NLRC3: variants seen among roughly 807,000 people sequenced by gnomAD.
NLRC3 encodes the protein NLR family CARD domain-containing protein 3.
Under a neutral mutation model 91.6 loss-of-function variants are expected in NLRC3, and 87 were observed. That is an observed-to-expected ratio of 0.95 (90% CI 0.80 to 1.14). The LOEUF (loss-of-function observed/expected upper bound fraction) is 1.14. NLRC3 is among the 50% of genes most tolerant of loss of function. The probability of loss-of-function intolerance (pLI) is 0.00; values close to 1 mark genes in which losing one functional copy is unlikely to be tolerated. For synonymous variants in NLRC3, 694 were observed against 625.3 expected, an observed-to-expected ratio of 1.11 and a Z score of -1.64; for missense variants, 1,577 against 1,418.6, an observed-to-expected ratio of 1.11 and a Z score of -1.79.
intron 2 of NLRC3, 33 bp from the exon 3 acceptor site, chr16:3,565,413 G>T (rs1477834773): frequency 7.1e-6 from 3 of 421,870 alleles, no homozygotes; most frequent in African/African-American, 4.9e-5. Context: ...AAGTAAGTTT[G>T]CTCAAAAGGA....
intron 16 of NLRC3, chr16:3,543,748 A>G: frequency 3.7e-6 from 2 of 544,986 alleles, no homozygotes; most frequent in Non-Finnish European, 6.6e-6. Context: ...CTCGGGGAGA[A>G]TGCTCCCTGT....
rs1567147263 is a variant in NLRC3 at position 3,564,302 on chromosome 16, GCTGGGACTGCCACC to G, written c.621_634del (p.Val208GlnfsTer11). On this transcript the variant is annotated frameshift_variant, in exon 5 of 20. Transcript: ENST00000359128. LOFTEE classifies it high-confidence loss of function. This position sits in a 1 kb window ranked among gnomAD's most constrained non-coding sequence, Gnocchi z 5.9. ...GCCGTCCAGGATCAGGAGGGCCCTG[GCTGGGACTGCCACC>G]GCCAGGCTGGGCTCCCCGACGTGCG... The G allele has an allele frequency of 1.1e-5, 17 of 1,611,584 alleles. No individual in the cohort carries two copies. The highest frequency in any genetic ancestry group is 1.4e-5 in the Non-Finnish European group (17 of 1,179,558).
intron 8 of NLRC3, among the ~76,000 whole-genome samples, chr16:3,556,085 T>C (rs113699941): frequency 6.7e-6 from 1 of 149,418 alleles, no homozygotes; most frequent in Non-Finnish European, 1.5e-5. Flanking sequence ...TCCCAGCACT[T>C]TGGGAGGCCA....
At chr16:3,558,954 C>T (rs902858776) in intron 6 of NLRC3, among the ~76,000 whole-genome samples, 4 of 152,060 alleles carry the variant, frequency 2.6e-5, no homozygotes, top group African/African-American at 9.7e-5. Flanking sequence ...TAATTTTTTG[C>T]AGAGACAGGG....
intron 1 of NLRC3, 116 bp downstream of exon 1, chr16:3,577,033 G>A: frequency 1.4e-6 from 1 of 692,396 alleles, no homozygotes; most frequent in East Asian, 2.7e-5. Context: ...GGAGTCTCGT[G>A]GAGTCTCCCC....
Position 3,572,413 on chromosome 16 carries a change from A to T in NLRC3, c.-169+4736T>A, listed in dbSNP as rs565612383. Among the ~76,000 whole-genome samples, 618 of 152,066 alleles carry T rather than the reference A, an allele frequency of 4.1e-3. 3 individuals carry two copies. The highest frequency in any genetic ancestry group is 0.014 in the African/African-American group (586 of 41,500). The stretch of plus-strand genomic sequence containing the variant: ...TTCCCTGGGCTCAAGTGATCCTCCA[A>T]AGTAGCTGGGACTACAGGCGCATGC... On this transcript the variant is annotated intron_variant, in intron 1 of 19. Transcript: ENST00000359128.
At chr16:3,576,464 G>A (rs902431882) in intron 1 of NLRC3, among the ~76,000 whole-genome samples, 1 of 152,136 alleles carries the variant, frequency 6.6e-6, no homozygotes, top group African/African-American at 2.4e-5. Context: ...CCTCCCATGG[G>A]GGGTCCCAGT....
Position 3,564,868 on chromosome 16 carries a change from A to C in NLRC3, c.169T>G (p.Cys57Gly). 2 of 1,605,610 alleles carry C rather than the reference A, an allele frequency of 1.2e-6. No homozygotes were observed. The highest frequency in any genetic ancestry group is 8.5e-7 in the Non-Finnish European group (1 of 1,177,304). The change falls in exon 4 of 20, where the codon TGC (cysteine) becomes GGC (glycine). Residue 57 changes from cysteine to glycine, a missense_variant. Cys to Gly is a radical substitution (Grantham distance 159). Coordinates refer to ENST00000359128, the MANE Select transcript of NLRC3 (RefSeq NM_178844.4). This position sits in a 1 kb window ranked among gnomAD's most constrained non-coding sequence, Gnocchi z 5.9. Reference sequence around the variant, plus strand: ...CCCAAGCCGGTCCTACCATTGCTGCAGGGCCCCAGCGGGGCATCCGGTGTC... The same window carrying C: ...CCCAAGCCGGTCCTACCATTGCTGCCGGGCCCCAGCGGGGCATCCGGTGTC... Reference protein sequence around the residue: ...DRTPDAPLGPCSNDSRIQRHR... With the variant: ...DRTPDAPLGPGSNDSRIQRHR...
At chr16:3,558,136 G>A (rs1050879800) in intron 6 of NLRC3, among the ~76,000 whole-genome samples, 9 of 152,136 alleles carry the variant, frequency 5.9e-5, no homozygotes, top group South Asian at 2.1e-4. Context: ...GAAACCAGGC[G>A]TTTGAGACTA....
In NLRC3 at chr16:3,563,987, T is replaced by A. The variant is rs1218832284; in HGVS notation, c.950A>T (p.Gln317Leu). The change falls in exon 5 of 20, where the codon CAG becomes CTG. Residue 317 changes from glutamine to leucine, a missense_variant. By Grantham distance (113) the Gln-to-Leu change is moderately radical. Transcript: ENST00000359128. ...ALLGWMLSQVQADRALYLMCT... is the reference protein window; with the variant it reads ...ALLGWMLSQVLADRALYLMCT... ...CATCAGGTACAGGGCCCTGTCAGCC[T>A]GCACTTGGCTCAGCATCCAGCCCAG... 6.2e-7 allele frequency: 1 copy of A among 1,606,404 alleles called. No homozygotes were observed. Among genetic ancestry groups the A allele is most frequent in the Admixed American group, 1.7e-5 (1 of 59,892 alleles).
At position 3,564,466 on chromosome 16, in the gene NLRC3, G is replaced by A; in HGVS notation, c.471C>T (p.His157=). 6.2e-7 allele frequency: 1 copy of A among 1,612,588 alleles called. No individual in the cohort carries two copies. Among genetic ancestry groups the A allele is most frequent in the African/African-American group, 1.3e-5 (1 of 75,080 alleles). ...GCCCATGGGCCCAGAGGCGGACGAA[G>A]TGCCTCACCAGGGTGGTCTTGCCCA... ...AGMGKTTLVR[H]FVRLWAHGQV... is the part of the protein sequence containing the mutation. The change falls in exon 5 of 20, where the codon CAC becomes CAT. Residue 157 remains histidine (H), a synonymous_variant. Transcript: ENST00000359128. The surrounding 1 kb of genome is among the most constrained non-coding windows in gnomAD (Gnocchi z 5.9).
rs1489218522 is a variant in NLRC3 at position 3,549,769 on chromosome 16, T to TTGC, written c.2444_2446dup (p.Ser815dup). The TTGC allele has an allele frequency of 6.4e-7, 1 of 1,550,524 alleles. No individual in the cohort carries two copies. Among genetic ancestry groups the TTGC allele is most frequent in the South Asian group, 1.2e-5 (1 of 84,028 alleles). On this transcript the variant is annotated inframe_insertion, in exon 12 of 20. Transcript: ENST00000359128. ...TGCCACTCCTGCGTCACTGATGGAA[T>TTGC]TGCTCTGCAGGCTGCGGAAAGAGGA...
rs886341955 is a variant in NLRC3, at chr16:3,544,298, C to A, written c.2803G>T (p.Ala935Ser). 1.9e-6 allele frequency: 3 copies of A among 1,613,530 alleles called. No individual in the cohort carries two copies. The highest frequency in any genetic ancestry group is 2.5e-6 in the Non-Finnish European group (3 of 1,179,512). The part of the protein sequence containing the change: ...LQENAIGDDG[A>S]CAVARALKVN... Reference sequence around the variant, plus strand: ...TTCAGTGCACGGGCCACCGCACACGCTCCGTCATCCCCGATGGCGTTCTCC... The same window carrying A: ...TTCAGTGCACGGGCCACCGCACACGATCCGTCATCCCCGATGGCGTTCTCC... The change falls in exon 16 of 20, where the codon GCG becomes TCG. Residue 935 changes from alanine to serine, a missense_variant. Coordinates refer to ENST00000359128, the MANE Select transcript of NLRC3 (RefSeq NM_178844.4).
rs1386739676 is a variant in NLRC3, at chr16:3,564,584, G to A, written c.353C>T (p.Pro118Leu). ...QVEATRGGGH[P>L]ARTVALDRLF... ...CCGGTCCAGGGCGACGGTCCTGGCG[G>A]GGTGCCCGCCCCCGCGGGTGGCCTC... Residue 118 changes from proline to leucine, a missense_variant, in exon 5 of 20, where the codon CCC (proline) becomes CTC (leucine). Coordinates refer to ENST00000359128, the MANE Select transcript of NLRC3 (RefSeq NM_178844.4). This position sits in a 1 kb window ranked among gnomAD's most constrained non-coding sequence, Gnocchi z 5.9. 2 of 1,611,576 alleles carry A rather than the reference G, an allele frequency of 1.2e-6. No homozygotes were observed. Among genetic ancestry groups the A allele is most frequent in the African/African-American group, 2.7e-5 (2 of 74,938 alleles).
At position 3,558,944 on chromosome 16, in the gene NLRC3, T is replaced by A. The variant is rs562708531; in HGVS notation, c.2016-1268A>T. Among the ~76,000 whole-genome samples, 201 of 152,220 alleles carry A rather than the reference T, an allele frequency of 1.3e-3. No homozygotes were observed. The Middle Eastern group carries it at 0.044, about 33-fold the overall frequency. On this transcript the variant is annotated intron_variant, in intron 6 of 19. Coordinates refer to ENST00000359128, the MANE Select transcript of NLRC3 (RefSeq NM_178844.4). ...ACGCCACCACACCTGGCTAGTTTTT[T>A]AATTTTTTGCAGAGACAGGGTTTTA... is the stretch of plus-strand genomic sequence containing the variant.
chr16:3,543,488 C>T lies in NLRC3; in HGVS notation c.2876G>A (p.Gly959Asp), dbSNP rs773208737. The T allele has an allele frequency of 7.8e-5, 126 of 1,612,894 alleles. No individual in the cohort carries two copies. The highest frequency in any genetic ancestry group is 9.7e-5 in the Non-Finnish European group (115 of 1,179,546). ...CCCTAGCACCTGGGCGCCTGAAGCACCAATTGAGGCCACCTGGAGACTGGG... is the reference window on the plus strand; with the variant it reads ...CCCTAGCACCTGGGCGCCTGAAGCATCAATTGAGGCCACCTGGAGACTGGG... ...TALYLQVASI[G>D]ASGAQVLGEA... The change falls in exon 17 of 20, where the codon GGT becomes GAT. Residue 959 changes from glycine to aspartate, a missense_variant. Coordinates refer to ENST00000359128, the MANE Select transcript of NLRC3 (RefSeq NM_178844.4).
intron 10 of NLRC3, among the ~76,000 whole-genome samples, chr16:3,551,584 C>A (rs961069570): frequency 2.0e-5 from 3 of 151,228 alleles, no homozygotes; most frequent in Non-Finnish European, 4.4e-5. Flanking sequence ...TCAATGCATC[C>A]ATTCATCCAC....
Position 3,552,068 on chromosome 16 carries a change from C to G in NLRC3, c.2351+128G>C. 9.3e-6 allele frequency: 6 copies of G among 642,830 alleles called. No individual in the cohort carries two copies. The South Asian group carries it at 1.1e-4, about 12-fold the overall frequency. 39.8% of individuals were successfully genotyped at this position (642,830 alleles called of 1,614,324 possible). On this transcript the variant is annotated intron_variant, in intron 10 of 19. Coordinates refer to ENST00000359128, the MANE Select transcript of NLRC3 (RefSeq NM_178844.4). ...ACCTAGTCACCCATCCATCCATCCA[C>G]CCACCCATCCATCCATTCACCTATC...
At chr16:3,560,296 G>A (rs1264772539) in intron 6 of NLRC3, among the ~76,000 whole-genome samples, 2 of 151,998 alleles carry the variant, frequency 1.3e-5, no homozygotes, top group Non-Finnish European at 2.9e-5. Flanking sequence ...GGTGGCATGC[G>A]CCTGTAGTCC....
Sources: gnomAD v4.1 joint callset for allele counts (sites outside exome capture counted in the v4.1 genomes callset) on GRCh38, gnomAD v4.1.1 for gene constraint, Gnocchi (gnomAD v3.1) non-coding constraint, MANE v1.5 for transcripts, NCBI Gene and HGNC (gene_info 2026-07-23, HGNC 2026-07-21) for gene names.